The following USP48 variants were observed in gnomAD, a reference collection of about 807,000 sequenced individuals.
The protein encoded by USP48 is ubiquitin carboxyl-terminal hydrolase 48.
A neutral mutation model predicts 150.7 loss-of-function variants in USP48; 43 were observed. The observed-to-expected ratio is 0.29, with a 90% CI of 0.22 to 0.37. USP48 has a LOEUF of 0.37. Ranked by LOEUF, USP48 falls within the 10% of genes least tolerant of loss-of-function variation. USP48 has a pLI of 1.00. For synonymous variants in USP48, 396 were observed against 425.9 expected, an observed-to-expected ratio of 0.93 and a Z score of 0.86; for missense variants, 813 against 1,249.6, an observed-to-expected ratio of 0.65 and a Z score of 5.27.
chr1:21,758,862 C>G (rs1369704816), intron 1 of USP48, among the ~76,000 whole-genome samples: 2 of 152,074 alleles, frequency 1.3e-5, no homozygotes, highest in Admixed American at 1.3e-4. Context: ...CTACTTCACG[C>G]ATGCACACAA....
intron 11 of USP48, 49 bp downstream of exon 11, chr1:21,728,521 A>C (rs2097746142): frequency 1.9e-6 from 3 of 1,574,184 alleles, no homozygotes; most frequent in Admixed American, 2.0e-5. Flanking sequence ...GAACATAAAA[A>C]AACAAGGCAC....
chr1:21,777,751 C>T (rs2097903347), intron 1 of USP48, among the ~76,000 whole-genome samples: 1 of 151,734 alleles, frequency 6.6e-6, no homozygotes, highest in African/African-American at 2.4e-5. Flanking sequence ...ATGATACCAC[C>T]AATAAAATTA....
Position 21,736,489 on chromosome 1 carries a change from C to CT in USP48, c.1127dup (p.Met377AspfsTer11). ...CTAGTTGTAATTTCTTCCCCTCCATCTTTTCTATGTCTTCATCATTAAACT... is the reference window on the plus strand; with the variant it reads ...CTAGTTGTAATTTCTTCCCCTCCATCTTTTTCTATGTCTTCATCATTAAACT... On this transcript the variant is annotated frameshift_variant, in exon 9 of 27. Transcript: ENST00000308271. LOFTEE classifies it high-confidence loss of function. 1 of 1,611,842 alleles carries CT rather than the reference C, an allele frequency of 6.2e-7. No homozygotes were observed. Among genetic ancestry groups the CT allele is most frequent in the Middle Eastern group, 1.7e-4 (1 of 6,056 alleles).
At chr1:21,746,745 A>G (rs1291387910) in intron 8 of USP48, among the ~76,000 whole-genome samples, 1 of 152,240 alleles carries the variant, frequency 6.6e-6, no homozygotes, top group Admixed American at 6.5e-5. Context: ...TTGAGAAATG[A>G]TAAATAATAG....
rs1348191657 is a variant in USP48, at chr1:21,756,594, T to C, written c.364A>G (p.Ser122Gly). 1 of 1,605,346 alleles carries C rather than the reference T, an allele frequency of 6.2e-7. No individual in the cohort carries two copies. The change falls in exon 3 of 27, where the codon AGC (serine) becomes GGC (glycine). Residue 122 changes from serine (S) to glycine (G), a missense_variant. Ser to Gly is a moderately conservative substitution (Grantham distance 56, BLOSUM62 0). Transcript: ENST00000308271. Reference protein sequence around the residue: ...ELRQALYLCPSTCSDYMLGDG... With the variant: ...ELRQALYLCPGTCSDYMLGDG... Reference sequence around the variant, plus strand: ...CCCAGCATGTAGTCACTACAAGTGCTTGGACATAAGTAGAGTGCCTGCCGA... The same window carrying C: ...CCCAGCATGTAGTCACTACAAGTGCCTGGACATAAGTAGAGTGCCTGCCGA...
intron 12 of USP48, among the ~76,000 whole-genome samples, chr1:21,722,181 A>T (rs2097722881): frequency 6.6e-6 from 1 of 152,076 alleles, no homozygotes; most frequent in Non-Finnish European, 1.5e-5. Flanking sequence ...CCTGGTTTAA[A>T]ACACAAAGAA....
At chr1:21,757,806 T>C in intron 1 of USP48, 23 bp from the exon 2 acceptor site, 2 of 1,571,644 alleles carry the variant, frequency 1.3e-6, no homozygotes, top group Non-Finnish European at 8.6e-7. Context: ...AAAAAACCTT[T>C]AATTTTTAAA....
At chr1:21,700,187 A>G (rs919095878) in intron 22 of USP48, among the ~76,000 whole-genome samples, 3 of 152,036 alleles carry the variant, frequency 2.0e-5, no homozygotes, top group Admixed American at 1.3e-4. Context: ...ATTCTCATCA[A>G]GTGTACAGAT....
In USP48 at chr1:21,748,799, T is replaced by C. The variant is rs139879938; in HGVS notation, c.775-528A>G. On this transcript the variant is annotated intron_variant, in intron 6 of 26. Transcript: ENST00000308271. ...GGTGGTACACACCTGTGGTCCCAACTACTCGGGAGGCTGAGACACAAGAAT... is the reference window on the plus strand; with the variant it reads ...GGTGGTACACACCTGTGGTCCCAACCACTCGGGAGGCTGAGACACAAGAAT... 1.3e-3 allele frequency among the ~76,000 whole-genome samples: 191 copies of C among 152,236 alleles called. 1 individual carries two copies. Among genetic ancestry groups the C allele is most frequent in the African/African-American group, 3.6e-3 (148 of 41,538 alleles).
intron 8 of USP48, among the ~76,000 whole-genome samples, chr1:21,746,059 C>G (rs1319847705): frequency 1.3e-5 from 2 of 152,184 alleles, no homozygotes; most frequent in Admixed American, 6.6e-5. Flanking sequence ...AATCATGTCT[C>G]TTAAAGGTTT....
intron 8 of USP48, among the ~76,000 whole-genome samples, chr1:21,739,856 T>C (rs1009906849): frequency 6.6e-6 from 1 of 152,194 alleles, no homozygotes; most frequent in African/African-American, 2.4e-5. Flanking sequence ...TTTTCTTCTC[T>C]GTTTGTACGT....
chr1:21,680,657 C>T, intron 26 of USP48, 151 bp downstream of exon 26: 1 of 745,986 alleles, frequency 1.3e-6, no homozygotes, highest in Non-Finnish European at 2.2e-6. Flanking sequence ...AATGAAGAAG[C>T]TTGAGTAAGA....
chr1:21,706,049 A>G (rs767733722), intron 18 of USP48, 77 bp downstream of exon 18: 25 of 1,470,766 alleles, frequency 1.7e-5, no homozygotes, highest in Non-Finnish European at 2.1e-5. Flanking sequence ...AACAAACAGA[A>G]TCCACGATAT....
intron 14 of USP48, among the ~76,000 whole-genome samples, chr1:21,720,656 T>C (rs1290047073): frequency 1.3e-5 from 2 of 151,936 alleles, no homozygotes; most frequent in African/African-American, 4.8e-5. Flanking sequence ...GCCTCCCGAG[T>C]AGCTGGGACC....
At chr1:21,736,315 T>C (rs2097768889) in intron 9 of USP48, 131 bp downstream of exon 9, 1 of 926,048 alleles carries the variant, frequency 1.1e-6, no homozygotes, top group Non-Finnish European at 1.6e-6. Flanking sequence ...TGATTTTACA[T>C]GTGTTTAAGA....
chr1:21,716,071 A>G (rs2097703440), intron 14 of USP48, among the ~76,000 whole-genome samples: 1 of 152,226 alleles, frequency 6.6e-6, no homozygotes, highest in East Asian at 1.9e-4. Flanking sequence ...GTAGTGTGAC[A>G]GCAAAACTAG....
chr1:21,751,468 T>C, intron 6 of USP48, 39 bp downstream of exon 6: 1 of 1,472,430 alleles, frequency 6.8e-7, no homozygotes, highest in Non-Finnish European at 9.5e-7. Flanking sequence ...ATTTAACTGT[T>C]AATGGGCAGG....
At chr1:21,723,623 A>G (rs2097728180) in intron 12 of USP48, among the ~76,000 whole-genome samples, 1 of 152,182 alleles carries the variant, frequency 6.6e-6, no homozygotes, top group African/African-American at 2.4e-5. Context: ...AACTACTACC[A>G]GACAGTTTTC....
chr1:21,762,681 C>A (rs978767631), intron 1 of USP48, among the ~76,000 whole-genome samples: 1 of 152,044 alleles, frequency 6.6e-6, no homozygotes, highest in Non-Finnish European at 1.5e-5. Context: ...GCCTGACCAA[C>A]ATGGTGAAAC....
Sources: allele counts gnomAD v4.1 joint callset (sites outside exome capture counted in the v4.1 genomes callset), GRCh38; gene constraint gnomAD v4.1.1; transcripts MANE v1.5; gene names NCBI Gene and HGNC (gene_info 2026-07-23, HGNC 2026-07-21).